Variants in PMM2 observed in about 807,000 individuals in gnomAD.
The protein encoded by PMM2 is phosphomannomutase 2, also known as mannose-6-phosphate isomerase.
Under a neutral mutation model 33.2 loss-of-function variants are expected in PMM2, and 35 were observed. The observed-to-expected ratio is 1.06, with a 90% CI of 0.81 to 1.40. PMM2 has a LOEUF of 1.40. Ranked by LOEUF, PMM2 falls within the 40% of genes most tolerant of loss-of-function variation. The pLI, the probability that PMM2 is intolerant of heterozygous loss-of-function variation, is 0.00. For missense variants in PMM2, 386 were observed against 306.0 expected (o/e 1.26, Z -1.95); for synonymous variants, 153 against 114.7 (o/e 1.33, Z -2.13).
intron 7 of PMM2, among the ~76,000 whole-genome samples, chr16:8,846,690 C>G (rs1295352160): frequency 2.0e-5 from 3 of 152,174 alleles, no homozygotes; most frequent in African/African-American, 7.2e-5. Flanking sequence ...CAACCATCAT[C>G]TCCTGAACTT....
intron 7 of PMM2, chr16:8,832,918 C>T (rs1373157143): frequency 4.1e-6 from 4 of 985,324 alleles, no homozygotes; most frequent in Non-Finnish European, 3.6e-6. Flanking sequence ...CCCTTCCCTC[C>T]CTTTGCTCAA....
chr16:8,802,262 C>G (rs2060620791), intron 2 of PMM2: 1 of 451,928 alleles, frequency 2.2e-6, no homozygotes, highest in African/African-American at 2.0e-5. Context: ...CTCTGACAGC[C>G]CCCCTCACCT....
rs926734942 is a variant in PMM2, at chr16:8,832,379, C to G, written c.640-15345C>G. On this transcript the variant is annotated intron_variant, in intron 7 of 7. Coordinates refer to ENST00000268261, the MANE Select transcript of PMM2 (RefSeq NM_000303.3). ...TCACCTTCCTGGATGGGAATTGATT[C>G]TCCAGACCTAGCTTTATTAAGTGTC... The G allele has an allele frequency of 7.1e-6, 7 of 985,408 alleles. No individual in the cohort carries two copies. The South Asian group carries it at 3.3e-4, about 46-fold the overall frequency. The allele number at this position is 985,408 out of a possible 1,614,324, so 61.0% of individuals were successfully genotyped here. A position where few individuals can be genotyped will look rare whatever the true frequency, so the allele number is the denominator to read the frequency against.
intron 7 of PMM2, 102 bp from the exon 8 acceptor site, chr16:8,847,622 G>A: frequency 1.2e-6 from 1 of 830,720 alleles, no homozygotes; most frequent in Non-Finnish European, 2.1e-6. Flanking sequence ...TCCCTGCCCA[G>A]TTAAATCTTG....
Position 8,847,843 on chromosome 16 carries a change from C to A in PMM2, c.*18C>A, listed in dbSNP as rs200464135. ...TCTCCTAACGTGGGAGCGGGAGGGG[C>A]GGGGTCCCGGCTGACAAGCCAGCAT... On this transcript the variant is annotated 3_prime_UTR_variant, in exon 8 of 8. Transcript: ENST00000268261. The A allele has an allele frequency of 1.3e-6, 2 of 1,584,342 alleles. No homozygotes were observed. Among genetic ancestry groups the A allele is most frequent in the East Asian group, 2.2e-5 (1 of 44,734 alleles).
At chr16:8,800,707 G>A (rs912051722) in intron 1 of PMM2, among the ~76,000 whole-genome samples, 3 of 146,308 alleles carry the variant, frequency 2.1e-5, no homozygotes, top group African/African-American at 7.6e-5. Context: ...GTTTTGAGAC[G>A]AAGTCTCGCT....
chr16:8,822,060 C>G (rs142507551), intron 7 of PMM2, among the ~76,000 whole-genome samples: 1 of 152,148 alleles, frequency 6.6e-6, no homozygotes, highest in African/African-American at 2.4e-5. Context: ...GTACAGGAGA[C>G]TGGAGTTTTA....
chr16:8,804,031 G>GTTTTTTTTTTTT (rs752484926), intron 2 of PMM2, among the ~76,000 whole-genome samples: 12 of 87,484 alleles, frequency 1.4e-4, no homozygotes, highest in African/African-American at 2.7e-4. Flanking sequence ...GGTTTTTTTT[G>GTTTTTTTTTTTT]TTTTTTTTTT....
rs1213244791 is a variant in PMM2, at chr16:8,806,168, A to T, written c.256-148A>T. 4.4e-6 allele frequency: 3 copies of T among 686,964 alleles called. No homozygotes were observed. The African/African-American group carries it at 5.3e-5, about 12-fold the overall frequency. 42.6% of individuals were successfully genotyped at this position (686,964 alleles called of 1,614,324 possible). A position where few individuals can be genotyped will look rare whatever the true frequency, so the allele number is the denominator to read the frequency against. ...TTTGACCAGAGAAATAAGAGAAGGA[A>T]TTAAACAGACAGTGGGGCATGTCAC... On this transcript the variant is annotated intron_variant, in intron 3 of 7. Coordinates refer to ENST00000268261, the MANE Select transcript of PMM2 (RefSeq NM_000303.3).
At chr16:8,841,596 A>G (rs1345258557) in intron 7 of PMM2, among the ~76,000 whole-genome samples, 307 of 146,894 alleles carry the variant, frequency 2.1e-3, no homozygotes, top group Middle Eastern at 6.8e-3. Flanking sequence ...GAGAGGTTCT[A>G]AGAGGCGGGC....
chr16:8,813,823 A>G (rs2060691464), intron 7 of PMM2, among the ~76,000 whole-genome samples: 1 of 146,878 alleles, frequency 6.8e-6, no homozygotes, highest in South Asian at 2.2e-4. Context: ...GAGGCTCATC[A>G]CCACCCAGCT....
At chr16:8,830,784 G>A (rs1567165739) in intron 7 of PMM2, among the ~76,000 whole-genome samples, 1 of 152,242 alleles carries the variant, frequency 6.6e-6, no homozygotes, top group East Asian at 1.9e-4. Flanking sequence ...TACAAAGGCA[G>A]ACTGGTCCCC....
Position 8,797,909 on chromosome 16 carries a change from C to T in PMM2, c.27C>T (p.Cys9=), listed in dbSNP as rs1057516943. MAAPGPAL[C]LFDVDGTLTA... Reference sequence around the variant, plus strand: ...TGGCAGCGCCTGGCCCAGCGCTCTGCCTCTTCGACGTGGATGGGACCCTCA... The same window carrying T: ...TGGCAGCGCCTGGCCCAGCGCTCTGTCTCTTCGACGTGGATGGGACCCTCA... Residue 9 remains cysteine, a synonymous_variant, in exon 1 of 8, where the codon TGC becomes TGT. Coordinates refer to ENST00000268261, the MANE Select transcript of PMM2 (RefSeq NM_000303.3). The T allele has an allele frequency of 6.8e-6, 11 of 1,611,186 alleles. No individual in the cohort carries two copies. In the African/African-American group the frequency reaches 1.2e-4, roughly 18 times the overall value.
intron 7 of PMM2, among the ~76,000 whole-genome samples, chr16:8,816,501 G>A (rs1270853707): frequency 1.3e-5 from 2 of 151,844 alleles, no homozygotes; most frequent in African/African-American, 4.8e-5. Context: ...AGCACTTTGG[G>A]AGGCCAAGGT....
chr16:8,815,510 C>T (rs1371845468), intron 7 of PMM2, among the ~76,000 whole-genome samples: 2 of 152,202 alleles, frequency 1.3e-5, no homozygotes, highest in African/African-American at 2.4e-5. Flanking sequence ...GGATTACAGG[C>T]GTGAGCCAGC....
intron 7 of PMM2, among the ~76,000 whole-genome samples, chr16:8,820,368 TCC>T (rs2060731521): frequency 6.8e-6 from 1 of 146,444 alleles, no homozygotes; most frequent in Non-Finnish European, 1.5e-5. Flanking sequence ...TTTTTTTTTT[TCC>T]TGAGACAAGG....
Position 8,847,710 on chromosome 16 carries a change from T to G in PMM2, c.640-14T>G, listed in dbSNP as rs774665792. The G allele has an allele frequency of 6.3e-7, 1 of 1,597,432 alleles. No individual in the cohort carries two copies. Among genetic ancestry groups the G allele is most frequent in the African/African-American group, 1.3e-5 (1 of 74,594 alleles). Reference sequence around the variant, plus strand: ...ACGAGGGGGAGCCTTCATCTGTACTTCGTGTCTTTCCAGGGTGGCAATGAC... The same window carrying G: ...ACGAGGGGGAGCCTTCATCTGTACTGCGTGTCTTTCCAGGGTGGCAATGAC... On this transcript the variant is annotated splice_polypyrimidine_tract_variant and intron_variant, in intron 7 of 7. Transcript: ENST00000268261.
Position 8,847,899 on chromosome 16 carries a change from TC to T in PMM2, c.*77del. ...ATTCGGTGGCCAGAGCCGAGGGTCC[TC>T]CCACACGTGCTCACCCACCCGCAGC... On this transcript the variant is annotated 3_prime_UTR_variant, in exon 8 of 8. Coordinates refer to ENST00000268261, the MANE Select transcript of PMM2 (RefSeq NM_000303.3). 8.7e-7 allele frequency: 1 copy of T among 1,151,766 alleles called. No individual in the cohort carries two copies. Among genetic ancestry groups the T allele is most frequent in the Non-Finnish European group, 1.3e-6 (1 of 775,638 alleles). The allele number at this position is 1,151,766 out of a possible 1,614,324, so 71.3% of individuals were successfully genotyped here.
rs113044587 is a variant in PMM2 at position 8,814,981 on chromosome 16, T to C, written c.639+1875T>C. ...CATTACACCCATTGAACAACAACTC[T>C]CCATCTCCCTCCTCCACCGCCCCGT... On this transcript the variant is annotated intron_variant, in intron 7 of 7. Transcript: ENST00000268261. Among the ~76,000 whole-genome samples the C allele has an allele frequency of 4.2e-3, 636 of 152,254 alleles. 8 individuals are homozygous for C. The highest frequency in any genetic ancestry group is 0.015 in the African/African-American group (610 of 41,544).
Sources: gnomAD v4.1 joint callset for allele counts (sites outside exome capture counted in the v4.1 genomes callset) on GRCh38, gnomAD v4.1.1 for gene constraint, MANE v1.5 for transcripts, NCBI Gene and HGNC (gene_info 2026-07-23, HGNC 2026-07-21) for gene names.